SLC30A7: variants seen among roughly 807,000 people sequenced by gnomAD.
The protein encoded by SLC30A7 is zinc transporter 7.
Under a neutral mutation model 46.0 loss-of-function variants are expected in SLC30A7, and 35 were observed. That is an observed-to-expected ratio of 0.76 (90% CI 0.58 to 1.01). The LOEUF (loss-of-function observed/expected upper bound fraction) is 1.01, where lower values mean the gene tolerates loss of function less well. Among genes scored for constraint, SLC30A7 ranks in the 50% least tolerant of loss-of-function variants. The pLI is 0.00. For missense variants in SLC30A7, 464 were observed against 451.1 expected, an observed-to-expected ratio of 1.03 and a Z score of -0.26; for synonymous variants, 147 against 157.8, an observed-to-expected ratio of 0.93 and a Z score of 0.51.
At chr1:100,966,036 G>T (rs773506102) in intron 10 of SLC30A7, 118 bp downstream of exon 10, 239 of 879,530 alleles carry the variant, frequency 2.7e-4, no homozygotes, top group Non-Finnish European at 3.7e-4. Flanking sequence ...TTCTAGATCA[G>T]TGTGGGCAAC....
chr1:100,913,702 A>G lies in SLC30A7; in HGVS notation c.551A>G (p.Asp184Gly). ...CATTCCCTCTTTAATGGTGCTCTAG[A>G]TCAGGCACATGGCCATGTCGATCAT... is the stretch of plus-strand genomic sequence containing the variant. ...HSHSLFNGAL[D>G]QAHGHVDHCH... The change falls in exon 6 of 11, where the codon GAT becomes GGT. Residue 184 changes from aspartate to glycine, a missense_variant. By Grantham distance (94) the Asp-to-Gly change is moderately conservative (BLOSUM62 -1). Coordinates refer to ENST00000357650, the MANE Select transcript of SLC30A7 (RefSeq NM_133496.5). The G allele has an allele frequency of 4.3e-6, 7 of 1,613,882 alleles. No individual in the cohort carries two copies. The highest frequency in any genetic ancestry group is 5.9e-6 in the Non-Finnish European group (7 of 1,179,826).
chr1:100,973,671 AT>A (rs1012972689), intron 10 of SLC30A7, among the ~76,000 whole-genome samples: 19 of 152,020 alleles, frequency 1.2e-4, no homozygotes, highest in African/African-American at 4.6e-4. Context: ...ACCAAGCTTT[AT>A]TTTTTTCTTT....
chr1:100,901,592 G>A (rs1651315001), intron 2 of SLC30A7, among the ~76,000 whole-genome samples: 1 of 151,920 alleles, frequency 6.6e-6, no homozygotes, highest in Non-Finnish European at 1.5e-5. Flanking sequence ...GTAGCTGGGA[G>A]TACAGCCACG....
the SLC30A7 span, among the ~76,000 whole-genome samples, chr1:100,991,213 C>CATTATTTGTTATGTTTA: frequency 1.3e-5 from 2 of 152,118 alleles, no homozygotes; most frequent in East Asian, 3.8e-4. Context: ...GAGCATTTGG[C>CATTATTTGTTATGTTTA]ACTATTTATG....
chr1:100,995,711 C>T, the SLC30A7 span: 1 of 152,714 alleles, frequency 6.5e-6, no homozygotes, highest in Non-Finnish European at 1.5e-5. Flanking sequence ...CAGATATAAA[C>T]TCTGCTCTCT....
At chr1:100,994,692 A>G in the SLC30A7 span, among the ~76,000 whole-genome samples, 1 of 152,058 alleles carries the variant, frequency 6.6e-6, no homozygotes, top group African/African-American at 2.4e-5. Flanking sequence ...ACACCCAGCT[A>G]ATTTTTCCAT....
chr1:100,992,098 A>T, the SLC30A7 span, among the ~76,000 whole-genome samples: 3 of 141,762 alleles, frequency 2.1e-5, no homozygotes, highest in Admixed American at 7.0e-5. Context: ...ACCCTCTCTC[A>T]AAAAAAAAAA....
chr1:100,917,330 C>T (rs562207444), intron 6 of SLC30A7, among the ~76,000 whole-genome samples: 1 of 152,242 alleles, frequency 6.6e-6, no homozygotes, highest in South Asian at 2.1e-4. Flanking sequence ...TACATTATTG[C>T]AGAACATTGT....
chr1:100,904,533 CT>C (rs969517075), intron 2 of SLC30A7, among the ~76,000 whole-genome samples: 150 of 141,074 alleles, frequency 1.1e-3, no homozygotes, highest in Admixed American at 1.4e-3. Flanking sequence ...ACAGTGACTT[CT>C]TTTTTTTTTT....
intron 9 of SLC30A7, among the ~76,000 whole-genome samples, chr1:100,964,598 TG>T (rs747839013): frequency 8.5e-5 from 13 of 152,102 alleles, no homozygotes; most frequent in Non-Finnish European, 1.9e-4. Flanking sequence ...CCTTTTCATC[TG>T]TAACTACACT....
intron 8 of SLC30A7, among the ~76,000 whole-genome samples, chr1:100,937,963 G>C (rs1654075729): frequency 6.6e-6 from 1 of 152,150 alleles, no homozygotes; most frequent in South Asian, 2.1e-4. Context: ...TAAAAATCCA[G>C]TTTTCCCATC....
rs1655574605 is a variant in SLC30A7 at position 100,961,911 on chromosome 1, A to C, written c.926A>C (p.Tyr309Ser). ...TTAGAAAATAGTCTGCCTCAGTGCTATCAGAGGGTGAGTTTCAAATACTCC... is the reference window on the plus strand; with the variant it reads ...TTAGAAAATAGTCTGCCTCAGTGCTCTCAGAGGGTGAGTTTCAAATACTCC... ...PLLENSLPQC[Y>S]QRVQQLQGVY... is the part of the protein sequence containing the mutation. Residue 309 changes from tyrosine (Y) to serine (S), a missense_variant, in exon 9 of 11, where the codon TAT becomes TCT. By Grantham distance (144) the Tyr-to-Ser change is moderately radical (BLOSUM62 -2). Transcript: ENST00000357650. 6.3e-7 allele frequency: 1 copy of C among 1,592,438 alleles called. No individual in the cohort carries two copies. Among genetic ancestry groups the C allele is most frequent in the East Asian group, 2.3e-5 (1 of 44,332 alleles).
At chr1:100,967,056 G>A (rs907472641) in intron 10 of SLC30A7, among the ~76,000 whole-genome samples, 15 of 152,230 alleles carry the variant, frequency 9.9e-5, no homozygotes, top group African/African-American at 2.9e-4. Flanking sequence ...ACTATGGTAT[G>A]TATTGTGTAT....
chr1:100,914,866 A>G (rs887656971), intron 6 of SLC30A7, among the ~76,000 whole-genome samples: 11 of 152,204 alleles, frequency 7.2e-5, no homozygotes, highest in African/African-American at 2.6e-4. Flanking sequence ...CAGGAGGCGG[A>G]GGTTGCAGTT....
intron 8 of SLC30A7, among the ~76,000 whole-genome samples, chr1:100,947,932 C>T (rs767419919): frequency 2.0e-5 from 3 of 152,000 alleles, no homozygotes; most frequent in Admixed American, 6.6e-5. Context: ...TACTTTGAGC[C>T]GATATGTGTC....
downstream of SLC30A7, among the ~76,000 whole-genome samples, chr1:100,982,977 A>G (rs184333290): frequency 8.2e-4 from 125 of 152,280 alleles, no homozygotes; most frequent in African/African-American, 2.7e-3. Flanking sequence ...ACAATACTGC[A>G]CCGGCCAATC....
intron 8 of SLC30A7, among the ~76,000 whole-genome samples, chr1:100,933,391 C>A (rs1653779911): frequency 6.6e-6 from 1 of 151,910 alleles, no homozygotes; most frequent in South Asian, 2.1e-4. Context: ...CCTCATGATT[C>A]CCATCATTGT....
At chr1:100,924,778 C>CT (rs1653184256) in intron 8 of SLC30A7, among the ~76,000 whole-genome samples, 1 of 147,888 alleles carries the variant, frequency 6.8e-6, no homozygotes, top group South Asian at 2.1e-4. Context: ...ATTGGGAATT[C>CT]TTACTTAGTT....
chr1:100,993,564 AT>A, the SLC30A7 span, among the ~76,000 whole-genome samples: 146 of 67,052 alleles, frequency 2.2e-3, 4 homozygotes, highest in African/African-American at 9.0e-3. Context: ...ATATAAATAT[AT>A]ATATATATAT....
Sources: allele counts gnomAD v4.1 joint callset (sites outside exome capture counted in the v4.1 genomes callset), GRCh38; gene constraint gnomAD v4.1.1; transcripts MANE v1.5; gene names NCBI Gene and HGNC (gene_info 2026-07-23, HGNC 2026-07-21).